NEURL1: variants seen among roughly 807,000 people sequenced by gnomAD.
NEURL1 encodes the protein E3 ubiquitin-protein ligase NEURL1.
In NEURL1, 26 loss-of-function variants were observed where a neutral mutation model predicts 41.2. The observed-to-expected ratio is 0.63, with a 90% CI of 0.46 to 0.87. NEURL1 has a LOEUF of 0.87. Ranked by LOEUF, NEURL1 falls within the 40% of genes least tolerant of loss-of-function variation. NEURL1 has a pLI of 0.00. For missense variants in NEURL1, 761 were observed against 871.1 expected, an observed-to-expected ratio of 0.87 and a Z score of 1.59; for synonymous variants, 400 against 402.3, an observed-to-expected ratio of 0.99 and a Z score of 0.07.
rs770803402 is a variant in NEURL1, at chr10:103,556,743, G to A, written c.86-14129G>A. Among the ~76,000 whole-genome samples the A allele has an allele frequency of 2.0e-5, 3 of 152,272 alleles. No homozygotes were observed. The highest frequency in any genetic ancestry group is 6.5e-5 in the Admixed American group (1 of 15,292). ...GACACATAATCCGGAGCCAGGCCAG[G>A]GGCACTGCCAGTGGCCTGGGCCTTG... On this transcript the variant is annotated intron_variant, in intron 1 of 5. Transcript: ENST00000369780. The surrounding 1 kb of genome is among the most constrained non-coding windows in gnomAD (Gnocchi z 4.4).
At chr10:103,533,159 C>T (rs891815228) in intron 1 of NEURL1, among the ~76,000 whole-genome samples, 1 of 151,784 alleles carries the variant, frequency 6.6e-6, no homozygotes, top group Non-Finnish European at 1.5e-5. Flanking sequence ...CATCTCCTGA[C>T]CTCATGATCC....
intron 1 of NEURL1, among the ~76,000 whole-genome samples, chr10:103,510,983 T>C (rs1232981287): frequency 1.3e-5 from 2 of 151,698 alleles, no homozygotes; most frequent in African/African-American, 4.8e-5. Context: ...GGTCACACCA[T>C]TGCCAGTGGG....
chr10:103,503,846 A>G (rs2033883269), intron 1 of NEURL1, among the ~76,000 whole-genome samples: 1 of 127,148 alleles, frequency 7.9e-6, no homozygotes, highest in Admixed American at 9.4e-5. Flanking sequence ...GTTGGAGTGC[A>G]GTGGCGTGAT....
chr10:103,579,424 G>C (rs1212121143), intron 3 of NEURL1, among the ~76,000 whole-genome samples: 2 of 152,164 alleles, frequency 1.3e-5, no homozygotes, highest in Non-Finnish European at 2.9e-5. Context: ...GGGTATCTGG[G>C]ATACATATGG....
At chr10:103,540,689 A>C (rs2034803111) in intron 1 of NEURL1, among the ~76,000 whole-genome samples, 1 of 152,076 alleles carries the variant, frequency 6.6e-6, no homozygotes, top group Non-Finnish European at 1.5e-5. Context: ...AATAAGAATC[A>C]TTTTCGTTAC....
At chr10:103,517,952 T>G (rs1404212655) in intron 1 of NEURL1, among the ~76,000 whole-genome samples, 10 of 152,204 alleles carry the variant, frequency 6.6e-5, no homozygotes, top group Admixed American at 6.5e-4. Context: ...TTCACCGATC[T>G]TTGGCATCCA....
chr10:103,541,811 C>A (rs2034826509), intron 1 of NEURL1, among the ~76,000 whole-genome samples: 1 of 152,202 alleles, frequency 6.6e-6, no homozygotes, highest in African/African-American at 2.4e-5. Context: ...ATGCAGAAAA[C>A]CGGATGTCCC....
At position 103,551,290 on chromosome 10, in the gene NEURL1, C is replaced by T. The variant is rs183601111; in HGVS notation, c.86-19582C>T. Among the ~76,000 whole-genome samples, 426 of 145,492 alleles carry T rather than the reference C, an allele frequency of 2.9e-3. 2 individuals are homozygous for T. Among genetic ancestry groups the T allele is most frequent in the Non-Finnish European group, 4.7e-3 (315 of 67,112 alleles). On this transcript the variant is annotated intron_variant, in intron 1 of 5. Transcript: ENST00000369780. ...CCTTTTAGTAACAGAATCCTTTGGT[C>T]AAATGAATTTTTTTTTTTTTTTTTT...
chr10:103,550,033 G>A (rs573366791), intron 1 of NEURL1, among the ~76,000 whole-genome samples: 22 of 152,342 alleles, frequency 1.4e-4, no homozygotes, highest in Middle Eastern at 3.4e-3. Context: ...TAGAGAGCTT[G>A]GTGACTGTGA....
At position 103,589,676 on chromosome 10, in the gene NEURL1, C is replaced by T. The variant is rs751545421; in HGVS notation, c.1486+16C>T. ...TCTGCTGGTGGTAAGTAGGCTGGCTCCTCTGTTCCTTGGTGACCATGTGGG... is the reference window on the plus strand; with the variant it reads ...TCTGCTGGTGGTAAGTAGGCTGGCTTCTCTGTTCCTTGGTGACCATGTGGG... On this transcript the variant is annotated intron_variant, in intron 5 of 5. Transcript: ENST00000369780. 8 of 1,601,362 alleles carry T rather than the reference C, an allele frequency of 5.0e-6. No individual in the cohort carries two copies. The highest frequency in any genetic ancestry group is 2.2e-5 in the South Asian group (2 of 89,310).
chr10:103,523,969 G>T (rs934604362), intron 1 of NEURL1, among the ~76,000 whole-genome samples: 2 of 152,148 alleles, frequency 1.3e-5, no homozygotes, highest in African/African-American at 4.8e-5. Context: ...TAGAAGGATT[G>T]CTGGGTCATA....
intron 1 of NEURL1, among the ~76,000 whole-genome samples, chr10:103,518,667 G>A (rs2034272613): frequency 6.6e-6 from 1 of 152,214 alleles, no homozygotes; most frequent in African/African-American, 2.4e-5. Context: ...ATTTGCAGGA[G>A]GTGAGGGAGT....
At chr10:103,570,826 C>T (rs753235703) in intron 1 of NEURL1, 46 bp from the exon 2 acceptor site, 1 of 1,585,006 alleles carries the variant, frequency 6.3e-7, no homozygotes, top group Non-Finnish European at 8.6e-7. Flanking sequence ...TGGTCTGGCT[C>T]TTGGACCCGC....
At position 103,508,092 on chromosome 10, in the gene NEURL1, G is replaced by A. The variant is rs2033989003; in HGVS notation, c.85+13620G>A. ...GGATGGCCCTGTAGTAAAACAGAATGCGGAAGAGCAGCTGAGAACCAGGCA... is the reference window on the plus strand; with the variant it reads ...GGATGGCCCTGTAGTAAAACAGAATACGGAAGAGCAGCTGAGAACCAGGCA... On this transcript the variant is annotated intron_variant, in intron 1 of 5. Transcript: ENST00000369780. The surrounding 1 kb of genome is among the most constrained non-coding windows in gnomAD (Gnocchi z 4.3). 6.6e-6 allele frequency among the ~76,000 whole-genome samples: 1 copy of A among 152,236 alleles called. No homozygotes were observed. Among genetic ancestry groups the A allele is most frequent in the African/African-American group, 2.4e-5 (1 of 41,458 alleles).
intron 1 of NEURL1, among the ~76,000 whole-genome samples, chr10:103,513,395 T>C (rs58843488): frequency 0.25 from 38,717 of 152,084 alleles, 5,105 homozygotes; most frequent in Admixed American, 0.29. Flanking sequence ...CACTGGGAGG[T>C]ATTGGGGGCT....
intron 1 of NEURL1, among the ~76,000 whole-genome samples, chr10:103,525,351 C>CT (rs1417096997): frequency 4.8e-5 from 7 of 145,574 alleles, no homozygotes; most frequent in South Asian, 4.4e-4. Context: ...TTCTTTCTTT[C>CT]TTTTTTCTTT....
In NEURL1 at chr10:103,571,809, C is replaced by A. The variant is rs762116345; in HGVS notation, c.636C>A (p.Gly212=). 21 of 1,602,664 alleles carry A rather than the reference C, an allele frequency of 1.3e-5. No homozygotes were observed. Among genetic ancestry groups the A allele is most frequent in the Non-Finnish European group, 8.5e-7 (1 of 1,174,386 alleles). The change falls in exon 3 of 6, where the codon GGC becomes GGA. Residue 212 remains glycine (G), a synonymous_variant. Transcript: ENST00000369780. ...ALVDVYGLTR[G]VQLLDSELVL... ...TGGACGTCTACGGCCTCACGCGGGGCGTCCAGCTGCTTGGTGAGTGCCTGC... is the reference window on the plus strand; with the variant it reads ...TGGACGTCTACGGCCTCACGCGGGGAGTCCAGCTGCTTGGTGAGTGCCTGC...
intron 1 of NEURL1, among the ~76,000 whole-genome samples, chr10:103,541,534 A>G (rs1187920894): frequency 3.9e-5 from 6 of 152,190 alleles, no homozygotes; most frequent in Non-Finnish European, 5.9e-5. Flanking sequence ...TCCTGCCTTA[A>G]TATCCCTGCC....
rs573776868 is a variant in NEURL1 at position 103,587,892 on chromosome 10, C to T, written c.1340-1622C>T. ...TTGAATATTCTTAGAAATAATAACA[C>T]AACTAAATGAATTAGAATAACTACA... On this transcript the variant is annotated intron_variant, in intron 4 of 5. Coordinates refer to ENST00000369780, the MANE Select transcript of NEURL1 (RefSeq NM_004210.5). Among the ~76,000 whole-genome samples the T allele has an allele frequency of 1.1e-4, 16 of 152,256 alleles. 2 individuals carry two copies. The South Asian group carries it at 3.1e-3, about 30-fold the overall frequency.
Sources: gnomAD v4.1 joint callset for allele counts (sites outside exome capture counted in the v4.1 genomes callset) on GRCh38, gnomAD v4.1.1 for gene constraint, Gnocchi (gnomAD v3.1) non-coding constraint, MANE v1.5 for transcripts, NCBI Gene and HGNC (gene_info 2026-07-23, HGNC 2026-07-21) for gene names.